The following CYB5R4 variants were observed in gnomAD, a reference collection of about 807,000 sequenced individuals.
The protein encoded by CYB5R4 is cytochrome b5 reductase 4, also known as N-terminal cytochrome b5 and cytochrome b5 oxidoreductase domain-containing protein.
In CYB5R4, 55 loss-of-function variants were observed where a neutral mutation model predicts 70.2. The ratio of observed to expected loss-of-function variants is 0.78; its 90% CI spans 0.63 to 0.98. The LOEUF is 0.98. CYB5R4 is among the 50% of genes least tolerant of loss of function. CYB5R4 has a pLI of 0.00. For synonymous variants in CYB5R4, 197 were observed against 199.5 expected, an observed-to-expected ratio of 0.99 and a Z score of 0.11; for missense variants, 562 against 612.6, an observed-to-expected ratio of 0.92 and a Z score of 0.87.
chr6:83,942,400 G>T (rs1426972815), intron 14 of CYB5R4, among the ~76,000 whole-genome samples: 1 of 152,216 alleles, frequency 6.6e-6, no homozygotes, highest in Non-Finnish European at 1.5e-5. Context: ...AGCCATGAGG[G>T]ACTGTGCCAT....
intron 5 of CYB5R4, 117 bp downstream of exon 5, chr6:83,914,565 T>A: frequency 1.1e-6 from 1 of 894,358 alleles, no homozygotes; most frequent in Non-Finnish European, 1.5e-6. Context: ...TGAGATGGAG[T>A]ATTGCTTTGT....
chr6:83,908,098 GT>G (rs35756755), intron 3 of CYB5R4, among the ~76,000 whole-genome samples: 23,814 of 152,018 alleles, frequency 0.16, 3,671 homozygotes, highest in African/African-American at 0.38. Flanking sequence ...CTCACCAACA[GT>G]TGTATAAACA....
At chr6:83,859,953 C>T (rs905534957) in intron 1 of CYB5R4, 96 bp downstream of exon 1, 9 of 1,175,154 alleles carry the variant, frequency 7.7e-6, no homozygotes, top group East Asian at 2.6e-5. Flanking sequence ...TCCTGCACCC[C>T]TCTCTAAGCT....
rs984261560 is a variant in CYB5R4 at position 83,931,807 on chromosome 6, T to A, written c.815-2788T>A. Among the ~76,000 whole-genome samples the A allele has an allele frequency of 2.6e-3, 363 of 139,210 alleles. 6 individuals carry two copies. Among genetic ancestry groups the A allele is most frequent in the African/African-American group, 0.01 (332 of 32,234 alleles). 91.3% of individuals were successfully genotyped at this position (139,210 alleles called of 152,430 possible). ...TTTTTGTTTATATATATATATATTT[T>A]TTTTTTATTATACTTTAAGTTCTAG... On this transcript the variant is annotated intron_variant, in intron 10 of 15. Transcript: ENST00000369681.
At chr6:83,910,072 ACT>A (rs1440602393) in intron 4 of CYB5R4, 9 of 1,612,210 alleles carry the variant, frequency 5.6e-6, no homozygotes, top group Admixed American at 1.7e-5. Context: ...TCCTAGGCAA[ACT>A]CTGGCACCTG....
In CYB5R4 at chr6:83,962,425, T is replaced by C. The variant is rs747240458; in HGVS notation, c.*2547T>C. The C allele has an allele frequency of 5.9e-5, 9 of 152,228 alleles. No homozygotes were observed. The highest frequency in any genetic ancestry group is 1.3e-4 in the Non-Finnish European group (9 of 68,030). The allele number at this position is 152,228 out of a possible 1,614,324, so 9.4% of individuals were successfully genotyped here. A position where few individuals can be genotyped will look rare whatever the true frequency, so the allele number is the denominator to read the frequency against. On this transcript the variant is annotated 3_prime_UTR_variant, in exon 16 of 16. Transcript: ENST00000369681. ...CTCAAGCAAATAACTCAAAGACTCC[T>C]ACATCACATATTTGCAGTGAAGAAG...
chr6:83,859,955 C>T, intron 1 of CYB5R4, 98 bp downstream of exon 1: 1 of 1,171,072 alleles, frequency 8.5e-7, no homozygotes, highest in Non-Finnish European at 1.2e-6. Flanking sequence ...CTGCACCCCT[C>T]TCTAAGCTGT....
At chr6:83,872,545 G>A (rs964353555) in intron 2 of CYB5R4, among the ~76,000 whole-genome samples, 10 of 152,154 alleles carry the variant, frequency 6.6e-5, no homozygotes, top group Admixed American at 3.3e-4. Context: ...ATTGATGCAG[G>A]GGCTCAGACC....
chr6:83,863,349 A>G (rs1210110738), intron 1 of CYB5R4, among the ~76,000 whole-genome samples: 1 of 152,120 alleles, frequency 6.6e-6, no homozygotes, highest in East Asian at 1.9e-4. Context: ...ATAGTTTGCC[A>G]CCCCTTCCCT....
chr6:83,894,417 T>C (rs1562832346), intron 3 of CYB5R4, among the ~76,000 whole-genome samples: 1 of 152,202 alleles, frequency 6.6e-6, no homozygotes, highest in Non-Finnish European at 1.5e-5. Flanking sequence ...ATATTATAGC[T>C]GTTTTTTTGA....
intron 3 of CYB5R4, among the ~76,000 whole-genome samples, chr6:83,904,217 A>G (rs1314050839): frequency 6.6e-6 from 1 of 152,084 alleles, no homozygotes; most frequent in African/African-American, 2.4e-5. Flanking sequence ...TTGCTATTCC[A>G]CAGGTTTTGG....
At chr6:83,945,920 G>A (rs915052679) in intron 14 of CYB5R4, among the ~76,000 whole-genome samples, 16 of 152,130 alleles carry the variant, frequency 1.1e-4, no homozygotes, top group African/African-American at 2.9e-4. Context: ...CTGAAACTGA[G>A]GTAGTAATTA....
At chr6:83,896,983 G>T (rs535126498) in intron 3 of CYB5R4, among the ~76,000 whole-genome samples, 1 of 151,086 alleles carries the variant, frequency 6.6e-6, no homozygotes, top group East Asian at 1.9e-4. Context: ...ATATGTATAC[G>T]TGTGCCATTT....
chr6:83,904,765 C>T (rs1222752078), intron 3 of CYB5R4, among the ~76,000 whole-genome samples: 4 of 152,140 alleles, frequency 2.6e-5, no homozygotes. Flanking sequence ...TTCATGACGT[C>T]TATCACTTTT....
rs766266980 is a variant in CYB5R4 at position 83,940,620 on chromosome 6, C to T, written c.1346+19C>T. 27 of 1,586,564 alleles carry T rather than the reference C, an allele frequency of 1.7e-5. No homozygotes were observed. The highest frequency in any genetic ancestry group is 5.5e-5 in the African/African-American group (4 of 72,576). On this transcript the variant is annotated intron_variant, in intron 14 of 15. Coordinates refer to ENST00000369681, the MANE Select transcript of CYB5R4 (RefSeq NM_016230.4). Reference sequence around the variant, plus strand: ...ATAAAAGGTATTAAACTGATATTAGCTCTGCGTTTAGTTATTTATACCTGG... The same window carrying T: ...ATAAAAGGTATTAAACTGATATTAGTTCTGCGTTTAGTTATTTATACCTGG...
intron 8 of CYB5R4, among the ~76,000 whole-genome samples, chr6:83,921,665 C>G (rs1482041167): frequency 6.6e-6 from 1 of 152,032 alleles, no homozygotes; most frequent in Non-Finnish European, 1.5e-5. Flanking sequence ...TTTATCAGGA[C>G]AGAGAAAAAA....
At chr6:83,873,426 A>G (rs559357786) in intron 2 of CYB5R4, among the ~76,000 whole-genome samples, 3 of 151,970 alleles carry the variant, frequency 2.0e-5, no homozygotes, top group African/African-American at 7.2e-5. Flanking sequence ...TTTTTAGTAG[A>G]GATGGGGTTT....
At chr6:83,910,041 A>T in intron 4 of CYB5R4, 1 of 1,612,316 alleles carries the variant, frequency 6.2e-7, no homozygotes, top group Non-Finnish European at 8.5e-7. Context: ...GTACGCATGC[A>T]TTGGACAGCT....
At chr6:83,938,282 G>T (rs571026943) in intron 12 of CYB5R4, among the ~76,000 whole-genome samples, 1 of 152,180 alleles carries the variant, frequency 6.6e-6, no homozygotes, top group African/African-American at 2.4e-5. Context: ...TATTTACGGA[G>T]ATTTTTGCGA....
Sources: gnomAD v4.1 joint callset for allele counts (sites outside exome capture counted in the v4.1 genomes callset) on GRCh38, gnomAD v4.1.1 for gene constraint, MANE v1.5 for transcripts, NCBI Gene and HGNC (gene_info 2026-07-23, HGNC 2026-07-21) for gene names.